The following TANC1 variants were observed in gnomAD, a reference collection of about 807,000 sequenced individuals.
TANC1 encodes protein TANC1.
TANC1 carries 77 observed loss-of-function variants against 149.7 expected under a neutral mutation model. The observed-to-expected ratio is 0.51, with a 90% confidence interval of 0.43 to 0.62. TANC1 has a LOEUF of 0.62. Ranked by LOEUF, TANC1 falls within the 20% of genes least tolerant of loss-of-function variation. TANC1 has a pLI of 0.00. For missense variants in TANC1, 1,985 were observed against 2,321.8 expected (o/e 0.85, Z 2.98); for synonymous variants, 854 against 925.0 (o/e 0.92, Z 1.39).
intron 3 of TANC1, among the ~76,000 whole-genome samples, chr2:159,067,536 C>G (rs2042777325): frequency 6.6e-6 from 1 of 152,198 alleles, no homozygotes; most frequent in East Asian, 1.9e-4. Context: ...TGGGTCAAGA[C>G]CAAAATGTCT....
In TANC1 at chr2:159,207,281, G is replaced by A. The variant is rs767714644; in HGVS notation, c.3244+8228G>A. On this transcript the variant is annotated intron_variant, in intron 19 of 26. Coordinates refer to ENST00000263635, the MANE Select transcript of TANC1 (RefSeq NM_033394.3). ...ATTTTTATTGTCCATGGGAGAAATC[G>A]CAGCAGTTCCTCAGAAAAAGAGAAG... Among the ~76,000 whole-genome samples, 14 of 152,318 alleles carry A rather than the reference G, an allele frequency of 9.2e-5. 1 individual carries two copies. The highest frequency in any genetic ancestry group is 1.9e-4 in the East Asian group (1 of 5,182).
chr2:159,105,677 C>T (rs1430829162), intron 4 of TANC1, among the ~76,000 whole-genome samples: 1 of 152,114 alleles, frequency 6.6e-6, no homozygotes, highest in Non-Finnish European at 1.5e-5. Flanking sequence ...TTGCCCATTC[C>T]CCCAGCATTG....
At chr2:159,016,574 A>ATTTTTTTTTTTTTTTTTTTTTTTTTT (rs199579067) in intron 2 of TANC1, among the ~76,000 whole-genome samples, 1 of 147,488 alleles carries the variant, frequency 6.8e-6, no homozygotes. Context: ...CTTGGTCAAA[A>ATTTTTTTTTTTTTTTTTTTTTTTTTT]TTTTTTGTTT....
intron 1 of TANC1, among the ~76,000 whole-genome samples, chr2:158,974,059 T>C (rs946300343): frequency 2.6e-5 from 4 of 152,244 alleles, no homozygotes; most frequent in African/African-American, 9.6e-5. Flanking sequence ...AGTCTGTGGA[T>C]GAAACAGTTT....
chr2:159,199,057 A>T lies in TANC1; in HGVS notation c.3244+4A>T. On this transcript the variant is annotated splice_donor_region_variant and intron_variant, in intron 19 of 26. Coordinates refer to ENST00000263635, the MANE Select transcript of TANC1 (RefSeq NM_033394.3). ...GACACATTGTGGGGAGAAACAGGTA[A>T]TTATAATGCCACTGCTTGTAGTCTG... 6.2e-7 allele frequency: 1 copy of T among 1,611,578 alleles called. No homozygotes were observed.
intron 3 of TANC1, among the ~76,000 whole-genome samples, chr2:159,072,683 G>A (rs1363278985): frequency 1.3e-5 from 2 of 152,006 alleles, no homozygotes; most frequent in African/African-American, 2.4e-5. Flanking sequence ...GAGTTAATGG[G>A]TGCAGCACAC....
chr2:159,019,242 AAGCCCAGCAGCCACGC>A (rs2038572947), intron 2 of TANC1, among the ~76,000 whole-genome samples: 1 of 152,182 alleles, frequency 6.6e-6, no homozygotes, highest in Admixed American at 6.5e-5. Flanking sequence ...AGGGAAACTG[AAGCCCAGCAGCCACGC>A]AGTGAGCTGA....
intron 5 of TANC1, among the ~76,000 whole-genome samples, chr2:159,137,292 G>A (rs2050863262): frequency 1.3e-5 from 2 of 152,112 alleles, no homozygotes; most frequent in African/African-American, 2.4e-5. Flanking sequence ...ACAATATACT[G>A]GAGTGGTGGT....
At chr2:159,059,608 A>G (rs943599145) in intron 2 of TANC1, among the ~76,000 whole-genome samples, 1 of 152,040 alleles carries the variant, frequency 6.6e-6, no homozygotes. Flanking sequence ...ACCCTGACAC[A>G]CTTTTCTGGA....
intron 3 of TANC1, among the ~76,000 whole-genome samples, chr2:159,066,340 G>C (rs2042665407): frequency 6.6e-6 from 1 of 152,086 alleles, no homozygotes; most frequent in Non-Finnish European, 1.5e-5. Context: ...CTTGAGCCCA[G>C]GAGTTCAAGG....
At chr2:159,135,381 C>T (rs1241762179) in intron 4 of TANC1, among the ~76,000 whole-genome samples, 2 of 152,232 alleles carry the variant, frequency 1.3e-5, no homozygotes, top group Non-Finnish European at 2.9e-5. Flanking sequence ...TGTGAGCATT[C>T]GTGTACAAGT....
chr2:159,225,867 GCA>G lies in TANC1; in HGVS notation c.3903+91_3903+92del, dbSNP rs565470399. On this transcript the variant is annotated intron_variant, in intron 24 of 26. Coordinates refer to ENST00000263635, the MANE Select transcript of TANC1 (RefSeq NM_033394.3). ...ACATAATGGCTACAGCTGTGCTACT[GCA>G]CAGTCTCCATGTAATAGAAGTGCAA... is the stretch of plus-strand genomic sequence containing the variant. The G allele has an allele frequency of 1.7e-4, 179 of 1,023,656 alleles. 6 individuals are homozygous for G. In the South Asian group the frequency reaches 2.4e-3, roughly 14 times the overall value. 63.4% of individuals were successfully genotyped at this position (1,023,656 alleles called of 1,614,324 possible).
chr2:159,093,622 A>G (rs892051282), intron 3 of TANC1, among the ~76,000 whole-genome samples: 1 of 152,204 alleles, frequency 6.6e-6, no homozygotes, highest in Non-Finnish European at 1.5e-5. Flanking sequence ...CTTTCTAATG[A>G]AAGGATACTG....
At chr2:159,127,523 C>G (rs2049584577) in intron 4 of TANC1, among the ~76,000 whole-genome samples, 1 of 152,226 alleles carries the variant, frequency 6.6e-6, no homozygotes, top group Non-Finnish European at 1.5e-5. Context: ...TATTGTGGCA[C>G]TATTCACAAT....
At position 159,219,271 on chromosome 2, in the gene TANC1, G is replaced by A. The variant is rs1458724219; in HGVS notation, c.3412G>A (p.Val1138Met). ...ACTGCTGTTGGAACGCGGCTGTGAT[G>A]TGAACCTAAGTGACAAGCAAGGCCG... ...VRLLLERGCD[V>M]NLSDKQGRTP... is the part of the protein sequence containing the mutation. Residue 1138 changes from valine to methionine, a missense_variant, in exon 21 of 27, where the codon GTG becomes ATG. Physicochemically the swap from Val to Met is conservative, Grantham distance 21. This residue lies in a region of TANC1 where 920 missense variants were observed against 994.7 expected (regional missense o/e 0.92). Transcript: ENST00000263635. 9 of 1,614,108 alleles carry A rather than the reference G, an allele frequency of 5.6e-6. No individual in the cohort carries two copies. Among genetic ancestry groups the A allele is most frequent in the Admixed American group, 1.7e-5 (1 of 60,002 alleles).
chr2:159,175,618 T>A (rs1199159106), intron 12 of TANC1, among the ~76,000 whole-genome samples: 1 of 152,216 alleles, frequency 6.6e-6, no homozygotes, highest in Admixed American at 6.5e-5. Context: ...TCTAAAGGTT[T>A]CCATTTTAAT....
chr2:159,229,525 T>G (rs2151001776), intron 26 of TANC1, 53 bp from the exon 27 acceptor site: 2 of 1,390,956 alleles, frequency 1.4e-6, no homozygotes, highest in Non-Finnish European at 1.0e-6. Context: ...ACAGTTACAC[T>G]CTGAGCATGT....
intron 2 of TANC1, among the ~76,000 whole-genome samples, chr2:159,030,607 G>T (rs555858514): frequency 6.6e-6 from 1 of 152,196 alleles, no homozygotes; most frequent in East Asian, 1.9e-4. Context: ...CTCAGTTTTC[G>T]CCTTAGAACT....
Position 158,991,091 on chromosome 2 carries a change from C to CAAA in TANC1, c.-125-9967_-125-9965dup, listed in dbSNP as rs34411224. On this transcript the variant is annotated intron_variant, in intron 1 of 26. Coordinates refer to ENST00000263635, the MANE Select transcript of TANC1 (RefSeq NM_033394.3). ...TGGGTGACAGAGCCAGATCCTGTGTCAAAAAAAAAAAAAAAAAAAAAAAAG... is the reference window on the plus strand; with the variant it reads ...TGGGTGACAGAGCCAGATCCTGTGTCAAAAAAAAAAAAAAAAAAAAAAAAAAAG... 1.9e-3 allele frequency among the ~76,000 whole-genome samples: 131 copies of CAAA among 70,136 alleles called. 3 individuals are homozygous for CAAA. The highest frequency in any genetic ancestry group is 6.9e-3 in the African/African-American group (116 of 16,878). 46.0% of individuals were successfully genotyped at this position (70,136 alleles called of 152,430 possible). A position where few individuals can be genotyped will look rare whatever the true frequency, so the allele number is the denominator to read the frequency against.
Sources: allele counts gnomAD v4.1 joint callset (sites outside exome capture counted in the v4.1 genomes callset), GRCh38; gene constraint gnomAD v4.1.1; regional missense constraint gnomAD v4.1.1; transcripts MANE v1.5; gene names NCBI Gene and HGNC (gene_info 2026-07-23, HGNC 2026-07-21).